The following ZNF778 variants were observed in gnomAD, a reference collection of about 807,000 sequenced individuals.
ZNF778 encodes zinc finger protein 778.
Under a neutral mutation model 23.9 loss-of-function variants are expected in ZNF778, and 37 were observed. The observed-to-expected ratio is 1.54, with a 90% CI of 1.19 to 2.03. ZNF778 has a LOEUF of 2.03. ZNF778 is among the 30% of genes most tolerant of loss of function. ZNF778 has a pLI of 0.00. For synonymous variants in ZNF778, 483 were observed against 343.9 expected, an observed-to-expected ratio of 1.40 and a Z score of -4.48; for missense variants, 1,297 against 934.4, an observed-to-expected ratio of 1.39 and a Z score of -5.06.
In ZNF778 at chr16:89,232,963, G is replaced by C. The variant is rs1461700740; in HGVS notation, c.*4401G>C. Reference sequence around the variant, plus strand: ...CTGCCTATGCAACTCAGCTCGCTCTGCGTATGCAACTGAGCTCGCTCTGCG... The same window carrying C: ...CTGCCTATGCAACTCAGCTCGCTCTCCGTATGCAACTGAGCTCGCTCTGCG... On this transcript the variant is annotated 3_prime_UTR_variant, in exon 7 of 7. Transcript: ENST00000433976. 4.7e-5 allele frequency: 60 copies of C among 1,264,110 alleles called. 3 individuals carry two copies. The highest frequency in any genetic ancestry group is 2.2e-4 in the Middle Eastern group (1 of 4,608). The allele number at this position is 1,264,110 out of a possible 1,614,324, so 78.3% of individuals were successfully genotyped here.
chr16:89,227,878 G>T lies in ZNF778; in HGVS notation c.1590G>T (p.Glu530Asp). 6.2e-7 allele frequency: 1 copy of T among 1,614,138 alleles called. No homozygotes were observed. The highest frequency in any genetic ancestry group is 2.2e-5 in the East Asian group (1 of 44,876). The change falls in exon 7 of 7, where the codon GAG (glutamate) becomes GAT (aspartate). Residue 530 changes from glutamate to aspartate, a missense_variant. Coordinates refer to ENST00000433976, the MANE Select transcript of ZNF778 (RefSeq NM_001201407.2). ...AACACATGCGGACACACACCGGGGA[G>T]AAGCCCTATGAATGTAAGGACTGTG... ...LTKHMRTHTG[E>D]KPYECKDCGK...
chr16:89,233,716 G>C lies in ZNF778; in HGVS notation c.*5154G>C. 1.7e-6 allele frequency: 2 copies of C among 1,157,888 alleles called. No individual in the cohort carries two copies. The highest frequency in any genetic ancestry group is 1.5e-5 in the South Asian group (1 of 67,786). The allele number at this position is 1,157,888 out of a possible 1,614,324, so 71.7% of individuals were successfully genotyped here. On this transcript the variant is annotated 3_prime_UTR_variant, in exon 7 of 7. Coordinates refer to ENST00000433976, the MANE Select transcript of ZNF778 (RefSeq NM_001201407.2). ...CTGCATATGCAACTCAACTCACTGC[G>C]TATGCAACTCAACTCGCACTGCATA...
rs1271311452 is a variant in ZNF778, at chr16:89,227,697, C to T, written c.1409C>T (p.Thr470Ile). 1.1e-5 allele frequency: 17 copies of T among 1,614,058 alleles called. No homozygotes were observed. Among genetic ancestry groups the T allele is most frequent in the Non-Finnish European group, 8.5e-6 (10 of 1,180,028 alleles). The change falls in exon 7 of 7, where the codon ACT becomes ATT. Residue 470 changes from threonine to isoleucine, a missense_variant. By Grantham distance (89) the Thr-to-Ile change is moderately conservative (BLOSUM62 -1). Coordinates refer to ENST00000433976, the MANE Select transcript of ZNF778 (RefSeq NM_001201407.2). ...TSSGLTEHVR[T>I]HTGEKPYECK... The stretch of plus-strand genomic sequence containing the variant: ...TCGGGCCTTACTGAGCATGTAAGGA[C>T]TCACACTGGAGAGAAACCATATGAA...
chr16:89,227,432 G>A lies in ZNF778; in HGVS notation c.1144G>A (p.Glu382Lys). 1 of 1,613,900 alleles carries A rather than the reference G, an allele frequency of 6.2e-7. No individual in the cohort carries two copies. The highest frequency in any genetic ancestry group is 1.3e-5 in the African/African-American group (1 of 75,022). ...CTGCGGTGGGTTTTATCTACTGAAT[G>A]AGCATGGAAAAACTCACACGAGGGA... ...KACGGFYLLN[E>K]HGKTHTREKP... Residue 382 changes from glutamate to lysine, a missense_variant, in exon 7 of 7, where the codon GAG becomes AAG. Physicochemically the swap from Glu to Lys is moderately conservative, Grantham distance 56 (BLOSUM62 1). Transcript: ENST00000433976.
Position 89,228,877 on chromosome 16 carries a change from C to T in ZNF778, c.*315C>T. 1 of 1,056,886 alleles carries T rather than the reference C, an allele frequency of 9.5e-7. No individual in the cohort carries two copies. The highest frequency in any genetic ancestry group is 1.1e-6 in the Non-Finnish European group (1 of 876,440). 65.5% of individuals were successfully genotyped at this position (1,056,886 alleles called of 1,614,324 possible). ...TTGTGATCTCACAATGAAGAAAAACCTTAGGAGGGTGAGAATTGTTGGGAA... is the reference window on the plus strand; with the variant it reads ...TTGTGATCTCACAATGAAGAAAAACTTTAGGAGGGTGAGAATTGTTGGGAA... On this transcript the variant is annotated 3_prime_UTR_variant, in exon 7 of 7. Coordinates refer to ENST00000433976, the MANE Select transcript of ZNF778 (RefSeq NM_001201407.2).
At chr16:89,223,326 C>G (rs2096982073) in intron 4 of ZNF778, 43 bp downstream of exon 4, 1 of 1,611,896 alleles carries the variant, frequency 6.2e-7, no homozygotes, top group Non-Finnish European at 8.5e-7. Flanking sequence ...GGAACCAATA[C>G]TTGATGTGTC....
chr16:89,234,307 G>A lies in ZNF778; in HGVS notation c.*5745G>A. The A allele has an allele frequency of 5.9e-6, 2 of 336,968 alleles. No individual in the cohort carries two copies. Among genetic ancestry groups the A allele is most frequent in the Non-Finnish European group, 1.2e-5 (2 of 171,568 alleles). The allele number at this position is 336,968 out of a possible 1,614,324, so 20.9% of individuals were successfully genotyped here. On this transcript the variant is annotated 3_prime_UTR_variant, in exon 7 of 7. Coordinates refer to ENST00000433976, the MANE Select transcript of ZNF778 (RefSeq NM_001201407.2). ...TGTAGGAACTGCCATGTTGACTCCTGGGCAGTTTTATTCTTTCTCTCTACT... is the reference window on the plus strand; with the variant it reads ...TGTAGGAACTGCCATGTTGACTCCTAGGCAGTTTTATTCTTTCTCTCTACT...
Position 89,227,538 on chromosome 16 carries a change from G to T in ZNF778, c.1250G>T (p.Gly417Val). The T allele has an allele frequency of 6.2e-7, 1 of 1,614,040 alleles. No homozygotes were observed. Among genetic ancestry groups the T allele is most frequent in the Non-Finnish European group, 8.5e-7 (1 of 1,180,004 alleles). Residue 417 changes from glycine to valine, a missense_variant, in exon 7 of 7, where the codon GGA becomes GTA. Gly to Val is a moderately radical substitution (Grantham distance 109). Transcript: ENST00000433976. ...CLNNHVRIHT[G>V]IKPYTCSYCG... Reference sequence around the variant, plus strand: ...AATAATCATGTTCGAATTCACACTGGAATAAAACCCTATACATGCAGCTAC... The same window carrying T: ...AATAATCATGTTCGAATTCACACTGTAATAAAACCCTATACATGCAGCTAC...
chr16:89,222,022 C>A, intron 2 of ZNF778, 70 bp from the exon 3 acceptor site: 1 of 1,119,386 alleles, frequency 8.9e-7, no homozygotes, highest in Non-Finnish European at 1.3e-6. Flanking sequence ...GGAATGACTT[C>A]CGGGTCCATG....
rs1567508549 is a variant in ZNF778, at chr16:89,228,442, A to G, written c.2154A>G (p.Glu718=). The change falls in exon 7 of 7, where the codon GAA becomes GAG. Residue 718 remains glutamate, a synonymous_variant. Transcript: ENST00000433976. ...KAYNRFYLLK[E]HLKTYTEEQV... is the part of the protein sequence containing the mutation. ...ACAATAGGTTTTATCTACTAAAAGA[A>G]CATTTAAAAACTTACACTGAAGAGC... The G allele has an allele frequency of 1.4e-5, 23 of 1,613,954 alleles. No homozygotes were observed. Among genetic ancestry groups the G allele is most frequent in the Non-Finnish European group, 1.9e-5 (22 of 1,179,862 alleles).
chr16:89,224,695 C>G, intron 4 of ZNF778, 24 bp from the exon 5 acceptor site: 4 of 1,512,834 alleles, frequency 2.6e-6, no homozygotes, highest in Non-Finnish European at 3.6e-6. Flanking sequence ...CCTCTTCCAT[C>G]GATGTCTCTT....
Position 89,222,125 on chromosome 16 carries a change from A to G in ZNF778, c.59A>G (p.His20Arg), listed in dbSNP as rs547595021. The G allele has an allele frequency of 5.4e-5, 86 of 1,605,840 alleles. No homozygotes were observed. In the Middle Eastern group the frequency reaches 9.9e-4, roughly 19 times the overall value. ...GHVSRDSVCL[H>R]EEQTQAAGMV... ...GTTTCTAGGGACTCAGTCTGCCTTCATGAAGAACAGACACAGGCAGCAGGG... is the reference window on the plus strand; with the variant it reads ...GTTTCTAGGGACTCAGTCTGCCTTCGTGAAGAACAGACACAGGCAGCAGGG... The change falls in exon 3 of 7, where the codon CAT (histidine) becomes CGT (arginine). Residue 20 changes from histidine (H) to arginine (R), a missense_variant. By Grantham distance (29) the His-to-Arg change is conservative (BLOSUM62 0). Coordinates refer to ENST00000433976, the MANE Select transcript of ZNF778 (RefSeq NM_001201407.2).
In ZNF778 at chr16:89,233,356, G is replaced by A. The variant is rs1274264141; in HGVS notation, c.*4794G>A. 6.1e-5 allele frequency: 77 copies of A among 1,255,324 alleles called. 1 individual carries two copies. The highest frequency in any genetic ancestry group is 3.3e-4 in the African/African-American group (20 of 59,932). The allele number at this position is 1,255,324 out of a possible 1,614,324, so 77.8% of individuals were successfully genotyped here. A position where few individuals can be genotyped will look rare whatever the true frequency, so the allele number is the denominator to read the frequency against. ...GCGTATGCAACTCAGCTCGCACTGCGTATGCAACTCGCACTGCGTATGCAA... is the reference window on the plus strand; with the variant it reads ...GCGTATGCAACTCAGCTCGCACTGCATATGCAACTCGCACTGCGTATGCAA... On this transcript the variant is annotated 3_prime_UTR_variant, in exon 7 of 7. Coordinates refer to ENST00000433976, the MANE Select transcript of ZNF778 (RefSeq NM_001201407.2).
At chr16:89,224,678 G>A (rs2031303981) in intron 4 of ZNF778, 41 bp from the exon 5 acceptor site, 1 of 1,444,414 alleles carries the variant, frequency 6.9e-7, no homozygotes, top group Non-Finnish European at 9.4e-7. Flanking sequence ...GTCATCCCCT[G>A]CCTGAGCCTC....
chr16:89,229,695 T>C lies in ZNF778; in HGVS notation c.*1133T>C, dbSNP rs1405130653. On this transcript the variant is annotated 3_prime_UTR_variant, in exon 7 of 7. Coordinates refer to ENST00000433976, the MANE Select transcript of ZNF778 (RefSeq NM_001201407.2). ...CCTGCGTGAGCAGCGTAGGCTCTGGTTGGTTAGTCTTGAGGATCCAGATGT... is the reference window on the plus strand; with the variant it reads ...CCTGCGTGAGCAGCGTAGGCTCTGGCTGGTTAGTCTTGAGGATCCAGATGT... 3.1e-6 allele frequency: 3 copies of C among 980,950 alleles called. No individual in the cohort carries two copies. The African/African-American group carries it at 5.4e-5, about 18-fold the overall frequency. The allele number at this position is 980,950 out of a possible 1,614,324, so 60.8% of individuals were successfully genotyped here.
chr16:89,221,742 A>C (rs2030973180), intron 2 of ZNF778, among the ~76,000 whole-genome samples: 1 of 136,680 alleles, frequency 7.3e-6, no homozygotes, highest in Non-Finnish European at 1.5e-5. Context: ...TCTTTTCCTG[A>C]GTGTGCAAGA....
Position 89,232,749 on chromosome 16 carries a change from G to A in ZNF778, c.*4187G>A. 7.8e-7 allele frequency: 1 copy of A among 1,285,106 alleles called. No homozygotes were observed. The highest frequency in any genetic ancestry group is 1.5e-5 in the African/African-American group (1 of 65,896). The allele number at this position is 1,285,106 out of a possible 1,614,324, so 79.6% of individuals were successfully genotyped here. ...TCCTAAAGATGGTAAACAACTTGCT[G>A]GAAACATGCACTGCATATACAAATC... is the stretch of plus-strand genomic sequence containing the variant. On this transcript the variant is annotated 3_prime_UTR_variant, in exon 7 of 7. Coordinates refer to ENST00000433976, the MANE Select transcript of ZNF778 (RefSeq NM_001201407.2).
rs965260369 is a variant in ZNF778, at chr16:89,228,713, C to T, written c.*151C>T. 6.9e-7 allele frequency: 1 copy of T among 1,442,724 alleles called. No homozygotes were observed. The highest frequency in any genetic ancestry group is 9.1e-7 in the Non-Finnish European group (1 of 1,102,546). 89.4% of individuals were successfully genotyped at this position (1,442,724 alleles called of 1,614,324 possible). A position where few individuals can be genotyped will look rare whatever the true frequency, so the allele number is the denominator to read the frequency against. On this transcript the variant is annotated 3_prime_UTR_variant, in exon 7 of 7. Transcript: ENST00000433976. ...GCAGGCAGGAACTCACCCTGGAGCC[C>T]TATGCAGCAGACACAGAGAAAGCCC...
Position 89,233,961 on chromosome 16 carries a change from C to A in ZNF778, c.*5399C>A, listed in dbSNP as rs1205175507. On this transcript the variant is annotated 3_prime_UTR_variant, in exon 7 of 7. Transcript: ENST00000433976. ...TGCCCTTGGGCCTGCTGGAAGTATG[C>A]AGACTAGCCAGCCCCAGACTTCATC... 1.6e-6 allele frequency: 2 copies of A among 1,268,468 alleles called. No homozygotes were observed. Among genetic ancestry groups the A allele is most frequent in the African/African-American group, 3.1e-5 (2 of 65,548 alleles). The allele number at this position is 1,268,468 out of a possible 1,614,324, so 78.6% of individuals were successfully genotyped here.
Sources: allele counts gnomAD v4.1 joint callset (sites outside exome capture counted in the v4.1 genomes callset), GRCh38; gene constraint gnomAD v4.1.1; transcripts MANE v1.5; gene names NCBI Gene and HGNC (gene_info 2026-07-23, HGNC 2026-07-21).